Variants in AR observed in about 807,000 individuals in gnomAD.
AR encodes the protein androgen receptor, also known as dihydrotestosterone receptor.
A neutral mutation model predicts 53.9 loss-of-function variants in AR; 8 were observed. That is an observed-to-expected ratio of 0.15 (90% CI 0.09 to 0.27). The LOEUF (loss-of-function observed/expected upper bound fraction) is 0.27, where lower values mean the gene tolerates loss of function less well. Among genes scored for constraint, AR ranks in the 10% least tolerant of loss-of-function variants. The pLI, the probability that AR is intolerant of heterozygous loss-of-function variation, is 1.00. For synonymous variants in AR, 359 were observed against 316.4 expected (o/e 1.13, Z -1.43); for missense variants, 639 against 742.5 (o/e 0.86, Z 1.62).
intron 1 of AR, among the ~76,000 whole-genome samples, chrX:67,562,466 A>G: frequency 9.1e-6 from 1 of 110,472 alleles, no homozygotes; most frequent in East Asian, 2.9e-4. Flanking sequence ...ATAGGGAATG[A>G]AGATCTGGCA....
chrX:67,667,622 A>T (rs1315447976), intron 2 of AR, among the ~76,000 whole-genome samples: 2 of 111,545 alleles, frequency 1.8e-5, no homozygotes, highest in African/African-American at 6.5e-5. Context: ...TTTGATATAA[A>T]TTGCGTTGAA....
At chrX:67,714,112 A>T (rs1249348279) in intron 4 of AR, among the ~76,000 whole-genome samples, 1 of 111,715 alleles carries the variant, frequency 9.0e-6, no homozygotes, top group Non-Finnish European at 1.9e-5. Flanking sequence ...AATAAATGAT[A>T]ACTGTTAATT....
chrX:67,593,452 C>T (rs1922930214), intron 1 of AR, among the ~76,000 whole-genome samples: 1 of 108,772 alleles, frequency 9.2e-6, no homozygotes. Flanking sequence ...ACCTCCACCT[C>T]CCGGGTTCAA....
intron 1 of AR, among the ~76,000 whole-genome samples, chrX:67,553,193 G>A (rs922123830): frequency 9.0e-5 from 10 of 111,583 alleles, no homozygotes; most frequent in Non-Finnish European, 1.7e-4. Flanking sequence ...TATAGTTTTC[G>A]CTATTTACAT....
chrX:67,721,686 A>C, intron 5 of AR, 147 bp from the exon 6 acceptor site: 2 of 797,740 alleles, frequency 2.5e-6, no homozygotes, highest in Non-Finnish European at 3.7e-6. Context: ...AAACAAAAAA[A>C]CCTTTTCCTG....
chrX:67,559,416 G>T (rs1921201907), intron 1 of AR, among the ~76,000 whole-genome samples: 1 of 111,943 alleles, frequency 8.9e-6, no homozygotes, highest in South Asian at 3.7e-4. Context: ...AGGAAAAAAT[G>T]TCAGCATGTG....
At chrX:67,655,698 T>G (rs191410298) in intron 2 of AR, among the ~76,000 whole-genome samples, 1 of 111,226 alleles carries the variant, frequency 9.0e-6, no homozygotes, top group Non-Finnish European at 1.9e-5. Context: ...CCCCAAAGGC[T>G]TAGTTTTCTT....
intron 1 of AR, among the ~76,000 whole-genome samples, chrX:67,633,410 A>T (rs1214124386): frequency 9.0e-6 from 1 of 111,709 alleles, no homozygotes; most frequent in Non-Finnish European, 1.9e-5. Context: ...TTCCTGCTTT[A>T]GTTTGCTTAG....
In AR at chrX:67,545,333, C is replaced by CAGCAGG. The variant is rs1320639526; in HGVS notation, c.192_193insGAGCAG (p.Gln64_Gln65insGluGln). On this transcript the variant is annotated inframe_insertion, in exon 1 of 8. Transcript: ENST00000374690. ...GCTGCTGCTGCAGCAGCAGCAGCAG[C>CAGCAGG]AGCAGCAGCAGCAGCAGCAGCAGCA... 1 of 1,067,524 alleles carries CAGCAGG rather than the reference C, an allele frequency of 9.4e-7. No individual in the cohort carries two copies. Among genetic ancestry groups the CAGCAGG allele is most frequent in the Non-Finnish European group, 1.2e-6 (1 of 807,039 alleles). 88.0% of individuals were successfully genotyped at this position (1,067,524 alleles called of 1,213,427 possible).
rs745476348 is a variant in AR, at chrX:67,545,893, G to A, written c.747G>A (p.Leu249=). Residue 249 remains leucine (L), a synonymous_variant, in exon 1 of 8, where the codon CTG becomes CTA. Coordinates refer to ENST00000374690, the MANE Select transcript of AR (RefSeq NM_000044.6). ...LCKAVSVSMG[L]GVEALEHLSP... ...AGGCAGTGTCGGTGTCCATGGGCCT[G>A]GGTGTGGAGGCGTTGGAGCATCTGA... 6.6e-6 allele frequency: 8 copies of A among 1,212,228 alleles called. No homozygotes were observed. The highest frequency in any genetic ancestry group is 3.5e-5 in the South Asian group (2 of 57,028).
intron 2 of AR, among the ~76,000 whole-genome samples, chrX:67,667,930 C>T (rs936344507): frequency 1.1e-4 from 12 of 111,836 alleles, no homozygotes; most frequent in African/African-American, 3.6e-4. Context: ...CGCAACTTTA[C>T]TGAATTTGTT....
chrX:67,714,083 G>C (rs1225426029), intron 4 of AR, among the ~76,000 whole-genome samples: 3 of 111,977 alleles, frequency 2.7e-5, no homozygotes, highest in Non-Finnish European at 5.6e-5. Flanking sequence ...AAATTGCCTA[G>C]TAGAGTACCT....
chrX:67,724,003 T>C lies in AR; in HGVS notation c.*162T>C, dbSNP rs747075936. ...TCCTGAATTCTATTTGCTGGGCTTT[T>C]TTTTTCTCTTTCTCTCCTTTCTTTT... On this transcript the variant is annotated 3_prime_UTR_variant, in exon 8 of 8. Transcript: ENST00000374690. 1.4e-6 allele frequency: 1 copy of C among 694,150 alleles called. No individual in the cohort carries two copies. Among genetic ancestry groups the C allele is most frequent in the East Asian group, 3.4e-5 (1 of 29,658 alleles). The allele number at this position is 694,150 out of a possible 1,213,427, so 57.2% of individuals were successfully genotyped here.
At chrX:67,594,340 T>C (rs1350408109) in intron 1 of AR, among the ~76,000 whole-genome samples, 1 of 111,986 alleles carries the variant, frequency 8.9e-6, no homozygotes, top group African/African-American at 3.2e-5. Flanking sequence ...ATTTATAATA[T>C]AATAGATAAA....
intron 1 of AR, among the ~76,000 whole-genome samples, chrX:67,553,942 T>C (rs1021556051): frequency 3.6e-5 from 4 of 112,227 alleles, no homozygotes; most frequent in Non-Finnish European, 7.5e-5. Context: ...CTGGGACTTA[T>C]GGGGAAGAGG....
At chrX:67,562,827 C>T (rs1307596123) in intron 1 of AR, among the ~76,000 whole-genome samples, 1 of 111,477 alleles carries the variant, frequency 9.0e-6, no homozygotes, top group Non-Finnish European at 1.9e-5. Context: ...CCCTCTGAGC[C>T]TCTAGATCTT....
At chrX:67,551,515 C>T (rs1293156045) in intron 1 of AR, among the ~76,000 whole-genome samples, 1 of 111,273 alleles carries the variant, frequency 9.0e-6, no homozygotes, top group Non-Finnish European at 1.9e-5. Context: ...TGCCCTTTGT[C>T]GTACGGAAGA....
At position 67,545,108 on chromosome X, in the gene AR, G is replaced by A. The variant is rs1452394822; in HGVS notation, c.-39G>A. 3 of 1,174,957 alleles carry A rather than the reference G, an allele frequency of 2.6e-6. No homozygotes were observed. Among genetic ancestry groups the A allele is most frequent in the Admixed American group, 2.5e-5 (1 of 39,521 alleles). On this transcript the variant is annotated 5_prime_UTR_variant, in exon 1 of 8. Transcript: ENST00000374690. ...TTCTGAGCAAGAGAAGGGGAGGCGG[G>A]GTAAGGGAAGTAGGTGGAAGATTCA...
intron 1 of AR, among the ~76,000 whole-genome samples, chrX:67,637,854 C>T (rs773635865): frequency 9.1e-6 from 1 of 110,079 alleles, no homozygotes; most frequent in African/African-American, 3.3e-5. Context: ...ACTTTAAGTT[C>T]TGGGGTACAT....
Sources: gnomAD v4.1 joint callset for allele counts (sites outside exome capture counted in the v4.1 genomes callset) on GRCh38, gnomAD v4.1.1 for gene constraint, MANE v1.5 for transcripts, NCBI Gene and HGNC (gene_info 2026-07-23, HGNC 2026-07-21) for gene names.